KRT79: variants seen among roughly 807,000 people sequenced by gnomAD.
The protein encoded by KRT79 is keratin 79, also known as keratin, type II cytoskeletal 79.
In KRT79, 51 loss-of-function variants were observed where a neutral mutation model predicts 49.0. That is an observed-to-expected ratio of 1.04 (90% CI 0.83 to 1.31). The LOEUF is 1.31. Ranked by LOEUF, KRT79 falls within the 40% of genes most tolerant of loss-of-function variation. KRT79 has a pLI of 0.00. For missense variants in KRT79, 728 were observed against 688.0 expected, an observed-to-expected ratio of 1.06 and a Z score of -0.65; for synonymous variants, 312 against 286.6, an observed-to-expected ratio of 1.09 and a Z score of -0.90.
rs1940143819 is a variant in KRT79, at chr12:52,824,198, C to T, written c.1020G>A (p.Lys340=). Reference sequence around the variant, plus strand: ...CACCTGAGCCAGCTATGCCTCTCACCTTGGTCTGGTACCAGGCCTCGGCCT... The same window carrying T: ...CACCTGAGCCAGCTATGCCTCTCACTTTGGTCTGGTACCAGGCCTCGGCCT... ...RAEAEAWYQT[K]YEELQVTAGK... is the part of the protein sequence containing the mutation. The change falls in exon 5 of 9, where the codon AAG becomes AAA. Residue 340 remains lysine, a splice_region_variant and synonymous_variant. Transcript: ENST00000330553. 6.2e-7 allele frequency: 1 copy of T among 1,614,106 alleles called. No homozygotes were observed. Among genetic ancestry groups the T allele is most frequent in the Non-Finnish European group, 8.5e-7 (1 of 1,180,054 alleles).
At position 52,831,724 on chromosome 12, in the gene KRT79, A is replaced by C. The variant is rs77417758; in HGVS notation, c.478-98T>G. On this transcript the variant is annotated intron_variant, in intron 1 of 8. Coordinates refer to ENST00000330553, the MANE Select transcript of KRT79 (RefSeq NM_175834.3). The stretch of plus-strand genomic sequence containing the variant: ...CCACCTCCCCTCCAAGGCCAGGGCA[A>C]CATAGGGACGCTGCAGCCGCACCTA... 7.4e-3 allele frequency: 6,883 copies of C among 933,960 alleles called. 302 individuals carry two copies. In the African/African-American group the frequency reaches 0.097, roughly 13 times the overall value. 57.9% of individuals were successfully genotyped at this position (933,960 alleles called of 1,614,324 possible). A position where few individuals can be genotyped will look rare whatever the true frequency, so the allele number is the denominator to read the frequency against.
chr12:52,827,801 G>A (rs892338453), intron 4 of KRT79, among the ~76,000 whole-genome samples: 3 of 152,166 alleles, frequency 2.0e-5, no homozygotes, highest in Non-Finnish European at 4.4e-5. Context: ...GAACAAACTG[G>A]TCATCAAAGT....
chr12:52,833,627 C>T (rs562165435), intron 1 of KRT79, among the ~76,000 whole-genome samples, 157 bp downstream of exon 1: 17 of 152,284 alleles, frequency 1.1e-4, no homozygotes, highest in South Asian at 4.1e-4. Context: ...CAGCCACCCA[C>T]GTCTCGGCAT....
At chr12:52,833,112 G>C (rs990862473) in intron 1 of KRT79, among the ~76,000 whole-genome samples, 1 of 152,206 alleles carries the variant, frequency 6.6e-6, no homozygotes, top group Non-Finnish European at 1.5e-5. Context: ...GCAAGGGCAA[G>C]GTTCAGGGCA....
At chr12:52,829,234 C>G (rs1480487733) in intron 4 of KRT79, among the ~76,000 whole-genome samples, 3 of 152,148 alleles carry the variant, frequency 2.0e-5, no homozygotes, top group Non-Finnish European at 4.4e-5. Flanking sequence ...GCCCTCTTGT[C>G]TCCTGGAACC....
At position 52,824,001 on chromosome 12, in the gene KRT79, C is replaced by T. The variant is rs781493426; in HGVS notation, c.1032G>A (p.Leu344=). ...CCCCATGCTTCCCAGCAGTCACCTG[C>T]AGCTCCTCATACTGGGGACCAAAGA... ...EAWYQTKYEE[L]QVTAGKHGDN... Residue 344 remains leucine, a synonymous_variant, in exon 6 of 9, where the codon CTG becomes CTA. Coordinates refer to ENST00000330553, the MANE Select transcript of KRT79 (RefSeq NM_175834.3). 14 of 1,614,188 alleles carry T rather than the reference C, an allele frequency of 8.7e-6. No homozygotes were observed. Among genetic ancestry groups the T allele is most frequent in the Non-Finnish European group, 1.2e-5 (14 of 1,180,034 alleles).
At chr12:52,829,775 C>T (rs1592318412) in intron 4 of KRT79, among the ~76,000 whole-genome samples, 1 of 152,264 alleles carries the variant, frequency 6.6e-6, no homozygotes, top group Non-Finnish European at 1.5e-5. Context: ...GTGGCAGGCA[C>T]CTGTAGTCCC....
rs1489956537 is a variant in KRT79 at position 52,823,963 on chromosome 12, T to A, written c.1070A>T (p.Asp357Val). 3 of 1,613,988 alleles carry A rather than the reference T, an allele frequency of 1.9e-6. No homozygotes were observed. The highest frequency in any genetic ancestry group is 1.1e-5 in the South Asian group (1 of 91,050). ...TAGKHGDNLR[D>V]TKNEIAELTR... is the part of the protein sequence containing the mutation. ...GAGCTCAGCAATCTCGTTCTTGGTGTCCCGCAGGTTGTCCCCATGCTTCCC... is the reference window on the plus strand; with the variant it reads ...GAGCTCAGCAATCTCGTTCTTGGTGACCCGCAGGTTGTCCCCATGCTTCCC... Residue 357 changes from aspartate to valine, a missense_variant, in exon 6 of 9, where the codon GAC (aspartate) becomes GTC (valine). Transcript: ENST00000330553.
Position 52,822,328 on chromosome 12 carries a change from G to A in KRT79, c.1402+17C>T. Reference sequence around the variant, plus strand: ...CCTGGCCAGGGGTGGAGCAGGAAGTGGGGAGTAAATACTCACAAATGCTGA... The same window carrying A: ...CCTGGCCAGGGGTGGAGCAGGAAGTAGGGAGTAAATACTCACAAATGCTGA... On this transcript the variant is annotated intron_variant, in intron 8 of 8. Coordinates refer to ENST00000330553, the MANE Select transcript of KRT79 (RefSeq NM_175834.3). The A allele has an allele frequency of 6.2e-7, 1 of 1,605,590 alleles. No individual in the cohort carries two copies. The highest frequency in any genetic ancestry group is 2.2e-5 in the East Asian group (1 of 44,764).
chr12:52,831,294 C>A, intron 2 of KRT79, 112 bp downstream of exon 2: 2 of 947,868 alleles, frequency 2.1e-6, no homozygotes, highest in Non-Finnish European at 3.3e-6. Context: ...CCAGCTCTGT[C>A]TGTGCATCCC....
At chr12:52,833,132 G>T (rs928508075) in intron 1 of KRT79, among the ~76,000 whole-genome samples, 2 of 152,120 alleles carry the variant, frequency 1.3e-5, no homozygotes, top group Non-Finnish European at 2.9e-5. Context: ...ATGCCTATGG[G>T]CAACAGGTCA....
At position 52,834,127 on chromosome 12, in the gene KRT79, C is replaced by T. The variant is rs1940301107; in HGVS notation, c.134G>A (p.Gly45Asp). ...SVTVSRSSGS[G>D]GGAHCGPGTG... ...GCCGGGGCCACAGTGGGCCCCGCCA[C>T]CACTGCCACTGCTCCGAGACACCGT... Residue 45 changes from glycine to aspartate, a missense_variant, in exon 1 of 9, where the codon GGT becomes GAT. Transcript: ENST00000330553. The T allele has an allele frequency of 3.1e-6, 5 of 1,613,400 alleles. No homozygotes were observed. In the East Asian group the frequency reaches 1.1e-4, roughly 36 times the overall value.
chr12:52,823,080 C>T lies in KRT79; in HGVS notation c.1303G>A (p.Val435Ile). The change falls in exon 7 of 9, where the codon GTC becomes ATC. Residue 435 changes from valine (V) to isoleucine (I), a missense_variant. Physicochemically the swap from Val to Ile is conservative, Grantham distance 29. Transcript: ENST00000330553. ...LLRDYQELMN[V>I]KLALDVEIAT... Reference sequence around the variant, plus strand: ...ATCTCCACGTCCAGGGCCAGCTTGACATTCATCAGCTCCTGGTAGTCACGC... The same window carrying T: ...ATCTCCACGTCCAGGGCCAGCTTGATATTCATCAGCTCCTGGTAGTCACGC... 1.2e-6 allele frequency: 2 copies of T among 1,614,194 alleles called. No individual in the cohort carries two copies. The highest frequency in any genetic ancestry group is 1.7e-6 in the Non-Finnish European group (2 of 1,180,030).
At chr12:52,833,694 TG>T in intron 1 of KRT79, 89 bp downstream of exon 1, 1 of 1,008,766 alleles carries the variant, frequency 9.9e-7, no homozygotes. Context: ...CTAGTACAAG[TG>T]GGCTACAGCA....
rs570772299 is a variant in KRT79 at position 52,821,878 on chromosome 12, C to G, written c.1602G>C (p.Arg534Ser). ...KTTTVKTSSQ[R>S]Y ...CCCTTGCAGGGCTCAGCAGCTAATACCTCTGGCTGGACGTCTTGACCGTAG... is the reference window on the plus strand; with the variant it reads ...CCCTTGCAGGGCTCAGCAGCTAATAGCTCTGGCTGGACGTCTTGACCGTAG... The change falls in exon 9 of 9, where the codon AGG (arginine) becomes AGC (serine). Residue 534 changes from arginine (R) to serine (S), a missense_variant. Physicochemically the swap from Arg to Ser is moderately radical, Grantham distance 110. Coordinates refer to ENST00000330553, the MANE Select transcript of KRT79 (RefSeq NM_175834.3). 1 of 1,613,742 alleles carries G rather than the reference C, an allele frequency of 6.2e-7. No homozygotes were observed. The highest frequency in any genetic ancestry group is 1.3e-5 in the African/African-American group (1 of 74,904).
At position 52,822,333 on chromosome 12, in the gene KRT79, G is replaced by A. The variant is rs529390225; in HGVS notation, c.1402+12C>T. The A allele has an allele frequency of 2.5e-6, 4 of 1,606,510 alleles. No individual in the cohort carries two copies. The highest frequency in any genetic ancestry group is 1.7e-5 in the Admixed American group (1 of 59,202). On this transcript the variant is annotated intron_variant, in intron 8 of 8. Coordinates refer to ENST00000330553, the MANE Select transcript of KRT79 (RefSeq NM_175834.3). ...CCAGGGGTGGAGCAGGAAGTGGGGA[G>A]TAAATACTCACAAATGCTGACTGCA...
intron 4 of KRT79, among the ~76,000 whole-genome samples, chr12:52,829,574 A>G (rs1336213662): frequency 6.6e-6 from 1 of 152,240 alleles, no homozygotes; most frequent in East Asian, 1.9e-4. Context: ...CATCAAAAGC[A>G]CTTAATAAGT....
At chr12:52,822,538 C>G (rs1158347752) in intron 7 of KRT79, among the ~76,000 whole-genome samples, 159 bp from the exon 8 acceptor site, 2 of 152,178 alleles carry the variant, frequency 1.3e-5, no homozygotes, top group African/African-American at 4.8e-5. Flanking sequence ...TGCCCAGGTC[C>G]AAAAGCCAGT....
chr12:52,823,335 C>T, intron 6 of KRT79, 99 bp from the exon 7 acceptor site: 2 of 927,076 alleles, frequency 2.2e-6, no homozygotes, highest in Non-Finnish European at 1.7e-6. Context: ...CACATCCCTG[C>T]CCCCAACCAG....
Sources: allele counts gnomAD v4.1 joint callset (sites outside exome capture counted in the v4.1 genomes callset), GRCh38; gene constraint gnomAD v4.1.1; transcripts MANE v1.5; gene names NCBI Gene and HGNC (gene_info 2026-07-23, HGNC 2026-07-21).